The following NCOR1 variants were observed in gnomAD, a reference collection of about 807,000 sequenced individuals.
NCOR1 encodes nuclear receptor corepressor 1.
NCOR1 carries 63 observed loss-of-function variants against 288.1 expected under a neutral mutation model. The observed-to-expected ratio is 0.22, with a 90% CI of 0.18 to 0.27. The LOEUF (loss-of-function observed/expected upper bound fraction) is 0.27, where lower values mean the gene tolerates loss of function less well. Ranked by LOEUF, NCOR1 falls within the 10% of genes least tolerant of loss-of-function variation. NCOR1 has a pLI of 1.00. For synonymous variants in NCOR1, 1,007 were observed against 1,065.9 expected (o/e 0.94, Z 1.08); for missense variants, 2,397 against 3,019.2 (o/e 0.79, Z 4.83).
At chr17:16,093,988 A>G (rs545133833) in intron 21 of NCOR1, among the ~76,000 whole-genome samples, 115 of 152,068 alleles carry the variant, frequency 7.6e-4, no homozygotes, top group African/African-American at 2.5e-3. Context: ...CCTCACCACA[A>G]CCTCAAACTC....
In NCOR1 at chr17:16,127,690, T is replaced by C. The variant is rs552653699; in HGVS notation, c.1510-1484A>G. 4.8e-5 allele frequency among the ~76,000 whole-genome samples: 7 copies of C among 145,240 alleles called. No individual in the cohort carries two copies. In the East Asian group the frequency reaches 6.0e-4, roughly 12 times the overall value. ...ATGTATATATGTGTATGTGTATATA[T>C]ACATATATGTATATATGTGTGTGTA... On this transcript the variant is annotated intron_variant, in intron 14 of 45. Coordinates refer to ENST00000268712, the MANE Select transcript of NCOR1 (RefSeq NM_006311.4).
At chr17:16,104,977 G>A (rs907920150) in intron 19 of NCOR1, among the ~76,000 whole-genome samples, 4 of 152,212 alleles carry the variant, frequency 2.6e-5, no homozygotes, top group Non-Finnish European at 4.4e-5. Flanking sequence ...GGCTCCTGAA[G>A]TCGGGGTTGG....
intron 28 of NCOR1, among the ~76,000 whole-genome samples, chr17:16,073,001 T>C (rs1452619113): frequency 1.3e-5 from 2 of 152,202 alleles, no homozygotes; most frequent in East Asian, 3.8e-4. Flanking sequence ...CTCAAAGGAA[T>C]TTTACCAGGG....
intron 1 of NCOR1, among the ~76,000 whole-genome samples, chr17:16,211,634 T>C (rs372705872): frequency 6.6e-5 from 10 of 151,912 alleles, no homozygotes; most frequent in African/African-American, 1.7e-4. Context: ...AAGAACTCCA[T>C]AGGAACATTC....
In NCOR1 at chr17:16,181,205, A is replaced by ATATG. The variant is rs138045717; in HGVS notation, c.242+5345_242+5348dup. Among the ~76,000 whole-genome samples the ATATG allele has an allele frequency of 1.9e-3, 186 of 99,060 alleles. 1 individual carries two copies. Among genetic ancestry groups the ATATG allele is most frequent in the Middle Eastern group, 5.2e-3 (1 of 194 alleles). The allele number at this position is 99,060 out of a possible 152,430, so 65.0% of individuals were successfully genotyped here. ...ATGTGATGTGTGTGTGTATACATAT[A>ATATG]TATGTATGTGTGTGTGTGTGTGTGT... On this transcript the variant is annotated intron_variant, in intron 3 of 45. Transcript: ENST00000268712.
At chr17:16,080,188 T>A (rs2063184663) in intron 25 of NCOR1, 124 bp from the exon 26 acceptor site, 17 of 837,252 alleles carry the variant, frequency 2.0e-5, no homozygotes, top group Non-Finnish European at 3.1e-5. Flanking sequence ...ACAAAACCCA[T>A]CATGTTTGTT....
At position 16,172,011 on chromosome 17, in the gene NCOR1, A is replaced by C. The variant is rs757811641; in HGVS notation, c.243-16T>G. 3.3e-6 allele frequency: 5 copies of C among 1,514,004 alleles called. No individual in the cohort carries two copies. Among genetic ancestry groups the C allele is most frequent in the Non-Finnish European group, 4.4e-6 (5 of 1,128,992 alleles). The allele number at this position is 1,514,004 out of a possible 1,614,324, so 93.8% of individuals were successfully genotyped here. A position where few individuals can be genotyped will look rare whatever the true frequency, so the allele number is the denominator to read the frequency against. The stretch of plus-strand genomic sequence containing the variant: ...TTCTTGAGGCCTAATACATACAAAG[A>C]AAATAAACACTTGAAAATTTGTAAG... On this transcript the variant is annotated splice_polypyrimidine_tract_variant and intron_variant, in intron 3 of 45. Coordinates refer to ENST00000268712, the MANE Select transcript of NCOR1 (RefSeq NM_006311.4).
At chr17:16,043,738 C>T (rs570117600) in intron 42 of NCOR1, among the ~76,000 whole-genome samples, 3 of 152,282 alleles carry the variant, frequency 2.0e-5, no homozygotes, top group South Asian at 2.1e-4. Flanking sequence ...TCTAGCTCTC[C>T]GTGCTCACAC....
intron 30 of NCOR1, among the ~76,000 whole-genome samples, 189 bp downstream of exon 30, chr17:16,071,220 T>C (rs1047478695): frequency 6.6e-6 from 1 of 151,252 alleles, no homozygotes; most frequent in Non-Finnish European, 1.5e-5. Context: ...CAAGGCTATA[T>C]AGTGAGCTGT....
At chr17:16,152,186 G>C (rs1233730459) in intron 7 of NCOR1, among the ~76,000 whole-genome samples, 188 bp from the exon 8 acceptor site, 2 of 152,048 alleles carry the variant, frequency 1.3e-5, no homozygotes, top group African/African-American at 2.4e-5. Context: ...TTAAGTTCTA[G>C]GGTACACGTG....
Position 16,146,501 on chromosome 17 carries a change from C to G in NCOR1, c.957G>C (p.Glu319Asp). The G allele has an allele frequency of 6.2e-7, 1 of 1,613,164 alleles. No individual in the cohort carries two copies. Among genetic ancestry groups the G allele is most frequent in the Non-Finnish European group, 8.5e-7 (1 of 1,179,720 alleles). The change falls in exon 10 of 46, where the codon GAG (glutamate) becomes GAC (aspartate). Residue 319 changes from glutamate to aspartate, a missense_variant. By Grantham distance (45) the Glu-to-Asp change is conservative (BLOSUM62 2). Transcript: ENST00000268712. ...TATTTTCTATTCTGTCCACTTTTTT[C>G]TCCCATGCCTCCATGAGCTGATCAT... ...QRYDQLMEAW[E>D]KKVDRIENNP...
chr17:16,159,009 C>T, intron 5 of NCOR1, 136 bp from the exon 6 acceptor site: 1 of 494,300 alleles, frequency 2.0e-6, no homozygotes, highest in Non-Finnish European at 3.6e-6. Flanking sequence ...ATGAAGGTCT[C>T]ATGGACCAAG....
In NCOR1 at chr17:16,130,011, T is replaced by C. The variant is rs531205534; in HGVS notation, c.1510-3805A>G. 4.6e-5 allele frequency among the ~76,000 whole-genome samples: 7 copies of C among 152,222 alleles called. No homozygotes were observed. The South Asian group carries it at 1.5e-3, about 32-fold the overall frequency. On this transcript the variant is annotated intron_variant, in intron 14 of 45. Transcript: ENST00000268712. ...CAGCACCTGCTTAAACCAATCAGTG[T>C]AAAGAAGGAAACAGCTCCTGGCTCT...
intron 3 of NCOR1, among the ~76,000 whole-genome samples, chr17:16,175,639 T>A (rs772002138): frequency 2.6e-5 from 4 of 152,120 alleles, no homozygotes; most frequent in Non-Finnish European, 5.9e-5. Context: ...ACGTTTCCCA[T>A]CACTTTAGGG....
intron 10 of NCOR1, among the ~76,000 whole-genome samples, chr17:16,144,348 CACTT>C (rs1469673415): frequency 1.3e-5 from 2 of 152,132 alleles, no homozygotes; most frequent in East Asian, 1.9e-4. Context: ...TCAAAATAAT[CACTT>C]ACATTTAGAT....
chr17:16,169,810 C>T (rs1341102430), intron 4 of NCOR1, among the ~76,000 whole-genome samples: 5 of 152,084 alleles, frequency 3.3e-5, no homozygotes, highest in Admixed American at 6.6e-5. Context: ...TGTATTCAGC[C>T]ATGGAAGATG....
rs773744057 is a variant in NCOR1 at position 16,061,815 on chromosome 17, C to T, written c.5467G>A (p.Ala1823Thr). Residue 1823 changes from alanine to threonine, a missense_variant, in exon 37 of 46, where the codon GCT (alanine) becomes ACT (threonine). Ala to Thr is a moderately conservative substitution (Grantham distance 58). Coordinates refer to ENST00000268712, the MANE Select transcript of NCOR1 (RefSeq NM_006311.4). ...RYNTAADALA[A>T]LVDAAASAPQ... ...GCAGAAGCTGCAGCATCCACAAGAGCAGCCAGGGCATCCGCAGCAGTGTTG... is the reference window on the plus strand; with the variant it reads ...GCAGAAGCTGCAGCATCCACAAGAGTAGCCAGGGCATCCGCAGCAGTGTTG... 3 of 1,614,202 alleles carry T rather than the reference C, an allele frequency of 1.9e-6. No individual in the cohort carries two copies. Among genetic ancestry groups the T allele is most frequent in the South Asian group, 2.2e-5 (2 of 91,078 alleles).
At chr17:16,052,914 G>A (rs1368941081) in intron 40 of NCOR1, among the ~76,000 whole-genome samples, 2 of 152,174 alleles carry the variant, frequency 1.3e-5, no homozygotes, top group East Asian at 3.8e-4. Flanking sequence ...TCAAGTAGAT[G>A]TTATCCCTAG....
At chr17:16,110,351 C>CA (rs1016422406) in intron 18 of NCOR1, among the ~76,000 whole-genome samples, 322 of 139,604 alleles carry the variant, frequency 2.3e-3, no homozygotes, top group African/African-American at 6.6e-3. Flanking sequence ...GAGACTCGTT[C>CA]AAAAAAAAAA....
Sources: gnomAD v4.1 joint callset for allele counts (sites outside exome capture counted in the v4.1 genomes callset) on GRCh38, gnomAD v4.1.1 for gene constraint, MANE v1.5 for transcripts, NCBI Gene and HGNC (gene_info 2026-07-23, HGNC 2026-07-21) for gene names.